AKAP13: variants seen among roughly 807,000 people sequenced by gnomAD.
AKAP13 encodes A-kinase anchor protein 13.
A neutral mutation model predicts 264.5 loss-of-function variants in AKAP13; 80 were observed. The ratio of observed to expected loss-of-function variants is 0.30; its 90% CI spans 0.25 to 0.36. The LOEUF (loss-of-function observed/expected upper bound fraction) is 0.36, where lower values mean the gene tolerates loss of function less well. Among genes scored for constraint, AKAP13 ranks in the 10% least tolerant of loss-of-function variants. The pLI is 1.00. For missense variants in AKAP13, 3,712 were observed against 3,435.2 expected, an observed-to-expected ratio of 1.08 and a Z score of -2.01; for synonymous variants, 1,380 against 1,250.2, an observed-to-expected ratio of 1.10 and a Z score of -2.19.
intron 3 of AKAP13, among the ~76,000 whole-genome samples, chr15:85,530,271 A>G (rs1230689015): frequency 1.3e-5 from 2 of 152,042 alleles, no homozygotes; most frequent in African/African-American, 2.4e-5. Context: ...ATTCGGGACA[A>G]ATTTCTGTGC....
Position 85,741,150 on chromosome 15 carries a change from G to A in AKAP13, c.7713G>A (p.Gln2571=). ...SLSRPSSLIE[Q]EKQRSLEKQR... is the part of the protein sequence containing the mutation. ...CCCGCCCGAGCTCCCTCATTGAGCA[G>A]GAGAAGCAGCGCAGCCTGGAGAAGC... Residue 2571 remains glutamine (Q), a synonymous_variant, in exon 35 of 37, where the codon CAG becomes CAA. Coordinates refer to ENST00000394518, the MANE Select transcript of AKAP13 (RefSeq NM_007200.5). 6.2e-7 allele frequency: 1 copy of A among 1,613,496 alleles called. No homozygotes were observed. The highest frequency in any genetic ancestry group is 1.3e-5 in the African/African-American group (1 of 75,064).
intron 2 of AKAP13, among the ~76,000 whole-genome samples, chr15:85,514,013 C>A (rs2076527112): frequency 7.3e-6 from 1 of 137,634 alleles, no homozygotes; most frequent in Non-Finnish European, 1.5e-5. Flanking sequence ...TGAATGAATT[C>A]TCCTTTTTTT....
chr15:85,553,150 G>C (rs1010916590), intron 5 of AKAP13, among the ~76,000 whole-genome samples: 1 of 142,544 alleles, frequency 7.0e-6, no homozygotes, highest in Non-Finnish European at 1.5e-5. Context: ...GCAATGGCGC[G>C]ATCTCAGCTC....
At chr15:85,692,410 A>G (rs1298756550) in intron 16 of AKAP13, among the ~76,000 whole-genome samples, 1 of 152,190 alleles carries the variant, frequency 6.6e-6, no homozygotes, top group African/African-American at 2.4e-5. Context: ...GATTACTCCC[A>G]TTTGACAAAT....
intron 4 of AKAP13, chr15:85,536,424 A>G (rs1389593710): frequency 6.6e-6 from 1 of 152,282 alleles, no homozygotes; most frequent in Non-Finnish European, 1.5e-5. Context: ...TTTCTTGTAA[A>G]GTTAAACATA....
At chr15:85,722,205 T>A in intron 24 of AKAP13, 25 bp from the exon 25 acceptor site, 1 of 1,610,076 alleles carries the variant, frequency 6.2e-7, no homozygotes, top group Non-Finnish European at 8.5e-7. Context: ...ATGTGATTCC[T>A]CACAGTCTGT....
intron 1 of AKAP13, among the ~76,000 whole-genome samples, chr15:85,389,656 G>A (rs2070755392): frequency 1.3e-5 from 2 of 152,228 alleles, no homozygotes; most frequent in Non-Finnish European, 2.9e-5. Context: ...ACTATCTTCT[G>A]ACAGTAGCTC....
chr15:85,654,173 TACTC>T (rs761988516), intron 10 of AKAP13, among the ~76,000 whole-genome samples: 2 of 152,250 alleles, frequency 1.3e-5, no homozygotes, highest in Non-Finnish European at 2.9e-5. Flanking sequence ...GGCCTCATAA[TACTC>T]AGCCAGTTCT....
intron 9 of AKAP13, among the ~76,000 whole-genome samples, chr15:85,643,199 A>T (rs1378142797): frequency 6.9e-6 from 1 of 145,600 alleles, no homozygotes. Context: ...TTCCTATGGC[A>T]TTTTTTTTTT....
chr15:85,715,953 T>G, intron 20 of AKAP13, 30 bp downstream of exon 20: 1 of 1,601,734 alleles, frequency 6.2e-7, no homozygotes, highest in Admixed American at 1.8e-5. Context: ...GATAGCACAG[T>G]TGGCATCTAG....
At chr15:85,503,697 C>A (rs1009481612) in intron 2 of AKAP13, among the ~76,000 whole-genome samples, 1 of 152,152 alleles carries the variant, frequency 6.6e-6, no homozygotes, top group Non-Finnish European at 1.5e-5. Flanking sequence ...GTAAAGGAGG[C>A]CCTTCATCTG....
chr15:85,728,474 C>G (rs191105063), intron 29 of AKAP13, among the ~76,000 whole-genome samples: 19 of 152,322 alleles, frequency 1.2e-4, no homozygotes, highest in African/African-American at 4.6e-4. Context: ...GCTAGGCATA[C>G]TGCTAGGTAC....
Position 85,384,681 on chromosome 15 carries a change from T to C in AKAP13, c.-12+3883T>C, listed in dbSNP as rs371767740. Among the ~76,000 whole-genome samples the C allele has an allele frequency of 1.5e-4, 22 of 148,436 alleles. No individual in the cohort carries two copies. The East Asian group carries it at 3.8e-3, about 25-fold the overall frequency. On this transcript the variant is annotated intron_variant, in intron 1 of 36. Coordinates refer to ENST00000394518, the MANE Select transcript of AKAP13 (RefSeq NM_007200.5). ...GCAATGAGCCGAGATCATGCCACTG[T>C]GCTCCAGTCTGGGCGACAGAGCGAG...
intron 1 of AKAP13, among the ~76,000 whole-genome samples, chr15:85,435,507 A>G (rs1490360072): frequency 2.8e-5 from 2 of 70,590 alleles, no homozygotes; most frequent in Admixed American, 3.3e-4. Flanking sequence ...TCCAAGACAC[A>G]TAATTGTCAG....
In AKAP13 at chr15:85,717,290, A is replaced by G. The variant is rs199803551; in HGVS notation, c.5736A>G (p.Gly1912=). Residue 1912 remains glycine, a splice_region_variant and synonymous_variant, in exon 21 of 37, where the codon GGA becomes GGG. Coordinates refer to ENST00000394518, the MANE Select transcript of AKAP13 (RefSeq NM_007200.5). ...SKSVSIQNIT[G]VGNDENMSNT... is the part of the protein sequence containing the mutation. The stretch of plus-strand genomic sequence containing the variant: ...GTATGTATTTTTCTTTTGTCCCCAG[A>G]GTTGGCAATGATGAGAACATGTCAA... 2.4e-5 allele frequency: 39 copies of G among 1,600,266 alleles called. No homozygotes were observed. In the Admixed American group the frequency reaches 6.7e-4, roughly 28 times the overall value.
rs35648447 is a variant in AKAP13, at chr15:85,483,632, C to CAAAAAA, written c.-11-2064_-11-2059dup. Among the ~76,000 whole-genome samples the CAAAAAA allele has an allele frequency of 3.8e-4, 22 of 57,994 alleles. 2 individuals carry two copies. The highest frequency in any genetic ancestry group is 5.0e-4 in the Non-Finnish European group (16 of 32,170). The allele number at this position is 57,994 out of a possible 152,430, so 38.0% of individuals were successfully genotyped here. ...TGGGCGACAGAGCGAGACTCCGTCT[C>CAAAAAA]AAAAAAAAAAAAAAAAAAACACCAA... On this transcript the variant is annotated intron_variant, in intron 1 of 36. Transcript: ENST00000394518.
chr15:85,507,300 T>G (rs981508789), intron 2 of AKAP13, among the ~76,000 whole-genome samples: 8 of 152,014 alleles, frequency 5.3e-5, no homozygotes, highest in African/African-American at 1.9e-4. Context: ...TCTAGCCTGC[T>G]GCCTGTTTTT....
At chr15:85,644,440 C>G (rs1003875684) in intron 9 of AKAP13, among the ~76,000 whole-genome samples, 4 of 151,462 alleles carry the variant, frequency 2.6e-5, no homozygotes, top group African/African-American at 9.7e-5. Context: ...CGGGGTTTCA[C>G]CATGTTGACC....
rs959024028 is a variant in AKAP13, at chr15:85,718,348, G to T, written c.6001+189G>T. ...TATCTCCTTTTTGCCCCACTCTTCTGTTTTCAGTTCTACTGAACATTGTAC... is the reference window on the plus strand; with the variant it reads ...TATCTCCTTTTTGCCCCACTCTTCTTTTTTCAGTTCTACTGAACATTGTAC... On this transcript the variant is annotated intron_variant, in intron 22 of 36. Coordinates refer to ENST00000394518, the MANE Select transcript of AKAP13 (RefSeq NM_007200.5). The surrounding 1 kb of genome is among the most constrained non-coding windows in gnomAD (Gnocchi z 4.9). Among the ~76,000 whole-genome samples the T allele has an allele frequency of 3.3e-5, 5 of 152,268 alleles. No homozygotes were observed. The highest frequency in any genetic ancestry group is 1.2e-4 in the African/African-American group (5 of 41,548).
Sources: gnomAD v4.1 joint callset for allele counts (sites outside exome capture counted in the v4.1 genomes callset) on GRCh38, gnomAD v4.1.1 for gene constraint, Gnocchi (gnomAD v3.1) non-coding constraint, MANE v1.5 for transcripts, NCBI Gene and HGNC (gene_info 2026-07-23, HGNC 2026-07-21) for gene names.